The following ARFGEF3 variants were observed in gnomAD, a reference collection of about 807,000 sequenced individuals.
ARFGEF3 encodes ARFGEF family member 3.
A neutral mutation model predicts 221.7 loss-of-function variants in ARFGEF3; 96 were observed. The observed-to-expected ratio is 0.43, with a 90% CI of 0.37 to 0.51. The LOEUF is 0.51. Ranked by LOEUF, ARFGEF3 falls within the 20% of genes least tolerant of loss-of-function variation. The pLI, the probability that ARFGEF3 is intolerant of heterozygous loss-of-function variation, is 0.00. For synonymous variants in ARFGEF3, 1,145 were observed against 1,126.8 expected (o/e 1.02, Z -0.32); for missense variants, 2,410 against 2,789.9 (o/e 0.86, Z 3.07).
intron 8 of ARFGEF3, among the ~76,000 whole-genome samples, chr6:138,250,439 C>T (rs1048057712): frequency 1.3e-5 from 2 of 152,180 alleles, no homozygotes; most frequent in South Asian, 4.1e-4. Flanking sequence ...AATGTTAGAG[C>T]GAAACCTATA....
Position 138,162,244 on chromosome 6 carries a change from G to A in ARFGEF3, c.85+73G>A. On this transcript the variant is annotated intron_variant, in intron 1 of 33. Transcript: ENST00000251691. This position sits in a 1 kb window ranked among gnomAD's most constrained non-coding sequence, Gnocchi z 4.7. ...GGGCTGAACCCGCGCCTCCGCGCGTGGGGCTTTCGCGGAGCGTCGGTCATG... is the reference window on the plus strand; with the variant it reads ...GGGCTGAACCCGCGCCTCCGCGCGTAGGGCTTTCGCGGAGCGTCGGTCATG... 5.2e-6 allele frequency: 6 copies of A among 1,152,876 alleles called. 1 individual carries two copies. The South Asian group carries it at 8.6e-5, about 17-fold the overall frequency. The allele number at this position is 1,152,876 out of a possible 1,614,324, so 71.4% of individuals were successfully genotyped here. A position where few individuals can be genotyped will look rare whatever the true frequency, so the allele number is the denominator to read the frequency against.
intron 2 of ARFGEF3, among the ~76,000 whole-genome samples, chr6:138,184,643 A>C (rs944772359): frequency 6.6e-6 from 1 of 152,258 alleles, no homozygotes; most frequent in Admixed American, 6.5e-5. Context: ...AGATTTGGTA[A>C]ACTTGACTAT....
chr6:138,240,790 A>G (rs772180244), intron 6 of ARFGEF3, among the ~76,000 whole-genome samples: 14 of 152,242 alleles, frequency 9.2e-5, no homozygotes, highest in African/African-American at 1.4e-4. Flanking sequence ...TTTGCCGCAT[A>G]AGAATTTACG....
At chr6:138,192,779 A>G (rs769752557) in intron 2 of ARFGEF3, among the ~76,000 whole-genome samples, 1 of 152,160 alleles carries the variant, frequency 6.6e-6, no homozygotes, top group Non-Finnish European at 1.5e-5. Context: ...TCATTCTAAC[A>G]CTGCTTGAGA....
rs1198227249 is a variant in ARFGEF3, at chr6:138,285,953, C to T, written c.2469C>T (p.Asp823=). 35 of 1,607,608 alleles carry T rather than the reference C, an allele frequency of 2.2e-5. No individual in the cohort carries two copies. The highest frequency in any genetic ancestry group is 2.8e-5 in the Non-Finnish European group (33 of 1,175,610). Residue 823 remains aspartate (D), a synonymous_variant, in exon 15 of 34, where the codon GAC becomes GAT. Coordinates refer to ENST00000251691, the MANE Select transcript of ARFGEF3 (RefSeq NM_020340.5). ...TTTCTTTTTCCTTGACAGATATTGA[C>T]GGCTTAGAGAGCAGTGCCATTGGTG... ...LPLITMLTDI[D]GLESSAIGGQ... is the part of the protein sequence containing the mutation.
At chr6:138,290,872 C>A (rs1190728006) in intron 18 of ARFGEF3, among the ~76,000 whole-genome samples, 1 of 152,242 alleles carries the variant, frequency 6.6e-6, no homozygotes, top group South Asian at 2.1e-4. Context: ...GTTTGTTGAG[C>A]AAAATGGTTC....
chr6:138,323,632 C>CAA (rs763032227), intron 29 of ARFGEF3, 39 bp from the exon 30 acceptor site: 168 of 1,526,838 alleles, frequency 1.1e-4, no homozygotes, highest in Middle Eastern at 1.7e-4. Context: ...ACAACAACAA[C>CAA]AACAAAAAAA....
chr6:138,201,921 C>G (rs1371181285), intron 2 of ARFGEF3, among the ~76,000 whole-genome samples: 2 of 152,144 alleles, frequency 1.3e-5, no homozygotes, highest in African/African-American at 4.8e-5. Flanking sequence ...TTCCCTTTGT[C>G]CATTGTTACC....
intron 5 of ARFGEF3, among the ~76,000 whole-genome samples, chr6:138,232,338 C>G (rs1302882913): frequency 6.6e-6 from 1 of 152,180 alleles, no homozygotes; most frequent in Non-Finnish European, 1.5e-5. Flanking sequence ...GAAACCCCAT[C>G]TCTACTAAAA....
At chr6:138,188,926 G>A (rs1335616018) in intron 2 of ARFGEF3, among the ~76,000 whole-genome samples, 4 of 152,200 alleles carry the variant, frequency 2.6e-5, no homozygotes, top group Non-Finnish European at 5.9e-5. Flanking sequence ...GTACAGGATC[G>A]ATGGGGATGT....
chr6:138,277,828 G>A (rs1317605495), intron 12 of ARFGEF3, among the ~76,000 whole-genome samples: 1 of 152,134 alleles, frequency 6.6e-6, no homozygotes, highest in African/African-American at 2.4e-5. Context: ...TTAAAAGCCG[G>A]GTAAGCGGCA....
At chr6:138,200,331 A>C (rs1777510780) in intron 2 of ARFGEF3, among the ~76,000 whole-genome samples, 1 of 152,084 alleles carries the variant, frequency 6.6e-6, no homozygotes, top group African/African-American at 2.4e-5. Context: ...CAATTCTAAA[A>C]TTCATATGGA....
intron 4 of ARFGEF3, among the ~76,000 whole-genome samples, chr6:138,212,189 A>G (rs1777739482): frequency 6.6e-6 from 1 of 152,208 alleles, no homozygotes; most frequent in Non-Finnish European, 1.5e-5. Context: ...CATAGTTATC[A>G]CTTTTGTGGT....
intron 4 of ARFGEF3, among the ~76,000 whole-genome samples, chr6:138,219,970 T>G (rs1242165030): frequency 6.6e-6 from 1 of 152,172 alleles, no homozygotes; most frequent in Admixed American, 6.5e-5. Flanking sequence ...TTATATTCAT[T>G]GTGTGTATAG....
At chr6:138,204,607 A>C (rs1583009636) in intron 2 of ARFGEF3, among the ~76,000 whole-genome samples, 1 of 152,312 alleles carries the variant, frequency 6.6e-6, no homozygotes, top group Middle Eastern at 3.4e-3. Context: ...TAAAATATTT[A>C]TTATGGGGCT....
At chr6:138,194,687 A>G (rs1211229455) in intron 2 of ARFGEF3, among the ~76,000 whole-genome samples, 1 of 152,246 alleles carries the variant, frequency 6.6e-6, no homozygotes, top group East Asian at 1.9e-4. Context: ...CACAAGCCTC[A>G]CTTCAGTCAA....
chr6:138,321,893 A>T (rs1425085640), intron 29 of ARFGEF3, among the ~76,000 whole-genome samples: 2 of 150,414 alleles, frequency 1.3e-5, no homozygotes, highest in Non-Finnish European at 2.9e-5. Context: ...GCTTTAATGG[A>T]CTTACAGTTC....
At chr6:138,216,733 T>A (rs1777871310) in intron 4 of ARFGEF3, 1 of 152,192 alleles carries the variant, frequency 6.6e-6, no homozygotes, top group Non-Finnish European at 1.5e-5. Flanking sequence ...CTTCAGAAGA[T>A]TTGTAGCAAT....
At chr6:138,304,845 G>A (rs1326914049) in intron 22 of ARFGEF3, among the ~76,000 whole-genome samples, 4 of 152,150 alleles carry the variant, frequency 2.6e-5, no homozygotes, top group African/African-American at 9.7e-5. Flanking sequence ...ATATGAGAAT[G>A]TGATTAGTAT....
Sources: allele counts gnomAD v4.1 joint callset (sites outside exome capture counted in the v4.1 genomes callset), GRCh38; gene constraint gnomAD v4.1.1; non-coding constraint Gnocchi (gnomAD v3.1); transcripts MANE v1.5; gene names NCBI Gene and HGNC (gene_info 2026-07-23, HGNC 2026-07-21).